Variants in ABCB1 observed in about 807,000 individuals in gnomAD.
The protein encoded by ABCB1 is ATP-dependent translocase ABCB1.
ABCB1 carries 69 observed loss-of-function variants against 142.0 expected under a neutral mutation model. The ratio of observed to expected loss-of-function variants is 0.49; its 90% confidence interval spans 0.40 to 0.59. ABCB1 has a LOEUF of 0.59. Ranked by LOEUF, ABCB1 falls within the 20% of genes least tolerant of loss-of-function variation. The pLI, the probability that ABCB1 is intolerant of heterozygous loss-of-function variation, is 0.00. For missense variants in ABCB1, 1,326 were observed against 1,554.7 expected, an observed-to-expected ratio of 0.85 and a Z score of 2.47; for synonymous variants, 532 against 539.2, an observed-to-expected ratio of 0.99 and a Z score of 0.18.
At chr7:87,634,460 A>G (rs2130227066) in intron 1 of ABCB1, among the ~76,000 whole-genome samples, 2 of 139,084 alleles carry the variant, frequency 1.4e-5, no homozygotes, top group African/African-American at 5.3e-5. Flanking sequence ...CGTCTCTACT[A>G]AAAATACAAA....
intron 20 of ABCB1, among the ~76,000 whole-genome samples, chr7:87,532,545 C>T (rs1209574615): frequency 6.6e-6 from 1 of 152,116 alleles, no homozygotes; most frequent in Non-Finnish European, 1.5e-5. Flanking sequence ...GACACACCAG[C>T]GCCATGACAA....
intron 1 of ABCB1, among the ~76,000 whole-genome samples, chr7:87,608,314 AT>A (rs1451617937): frequency 6.6e-6 from 1 of 152,240 alleles, no homozygotes; most frequent in Non-Finnish European, 1.5e-5. Context: ...GGATGTCTAT[AT>A]TCCGAATGTT....
chr7:87,659,287 G>T, intron 1 of ABCB1: 1 of 375,180 alleles, frequency 2.7e-6, no homozygotes, highest in Non-Finnish European at 5.2e-6. Context: ...CCTGTTCTTG[G>T]TTTCTCTGTT....
At chr7:87,512,767 T>A (rs747286685) in intron 25 of ABCB1, among the ~76,000 whole-genome samples, 76 of 152,206 alleles carry the variant, frequency 5.0e-4, no homozygotes, top group Non-Finnish European at 7.9e-4. Flanking sequence ...CAGTGCACCA[T>A]CTGGCAGTAT....
At chr7:87,600,246 G>A in intron 1 of ABCB1, 56 bp from the exon 2 acceptor site, 5 of 1,451,516 alleles carry the variant, frequency 3.4e-6, no homozygotes, top group Admixed American at 1.7e-5. Context: ...CGCGCTGGAG[G>A]TGAGACTAAC....
intron 1 of ABCB1, among the ~76,000 whole-genome samples, chr7:87,622,799 G>A (rs886688622): frequency 1.3e-5 from 2 of 152,076 alleles, no homozygotes; most frequent in African/African-American, 4.8e-5. Context: ...GAGGGGCCAA[G>A]AAGGGAGGAT....
At chr7:87,651,744 C>T (rs1036889996) in intron 1 of ABCB1, among the ~76,000 whole-genome samples, 1 of 151,980 alleles carries the variant, frequency 6.6e-6, no homozygotes, top group Non-Finnish European at 1.5e-5. Flanking sequence ...CTATTCTGTA[C>T]TTTTTGATGC....
intron 21 of ABCB1, among the ~76,000 whole-genome samples, chr7:87,530,473 T>C (rs774301089): frequency 6.6e-5 from 10 of 151,390 alleles, no homozygotes; most frequent in South Asian, 4.2e-4. Flanking sequence ...AATGAGATAA[T>C]AGACCCCATA....
chr7:87,601,511 C>G (rs1819456485), upstream of ABCB1, among the ~76,000 whole-genome samples: 1 of 152,190 alleles, frequency 6.6e-6, no homozygotes, highest in Admixed American at 6.5e-5. Context: ...CCGTGTTTTT[C>G]CAGGGCATTT....
chr7:87,523,123 C>A (rs1008127998), intron 21 of ABCB1, among the ~76,000 whole-genome samples: 1 of 151,440 alleles, frequency 6.6e-6, no homozygotes, highest in Non-Finnish European at 1.5e-5. Context: ...TTTTTAGAAA[C>A]GGGGTCTTGC....
At chr7:87,512,692 A>G (rs1434071822) in intron 25 of ABCB1, among the ~76,000 whole-genome samples, 2 of 152,256 alleles carry the variant, frequency 1.3e-5, no homozygotes, top group South Asian at 2.1e-4. Context: ...ATTGATGTCC[A>G]TAAACAAAAC....
chr7:87,544,396 G>T, intron 16 of ABCB1, 121 bp from the exon 17 acceptor site: 1 of 1,021,952 alleles, frequency 9.8e-7, no homozygotes, highest in Non-Finnish European at 1.4e-6. Flanking sequence ...ATGAATAAGT[G>T]ATGACAATTT....
chr7:87,612,247 C>A (rs1563074569), intron 1 of ABCB1, among the ~76,000 whole-genome samples: 1 of 152,128 alleles, frequency 6.6e-6, no homozygotes, highest in Admixed American at 6.5e-5. Flanking sequence ...TTTTGCTGTG[C>A]AGAAGCTTTT....
chr7:87,659,577 A>C (rs2130439226), intron 1 of ABCB1, among the ~76,000 whole-genome samples: 1 of 152,240 alleles, frequency 6.6e-6, no homozygotes, highest in African/African-American at 2.4e-5. Flanking sequence ...TTTCTCCACC[A>C]CCAAAGATAA....
chr7:87,638,281 T>A (rs1426280085), intron 1 of ABCB1, among the ~76,000 whole-genome samples: 1 of 152,098 alleles, frequency 6.6e-6, no homozygotes, highest in Admixed American at 6.6e-5. Flanking sequence ...TTTCTTATAA[T>A]GTTCTTGTCT....
intron 21 of ABCB1, among the ~76,000 whole-genome samples, chr7:87,525,913 T>C (rs1815760333): frequency 6.6e-6 from 1 of 152,144 alleles, no homozygotes; most frequent in African/African-American, 2.4e-5. Context: ...TCAGTTTCAG[T>C]GCCTGTATCA....
In ABCB1 at chr7:87,531,399, T is replaced by C; in HGVS notation, c.2580A>G (p.Leu860=). ...SFIYGWQLTL[L]LLAIVPIIAI... is the part of the protein sequence containing the mutation. ...CAATGATGGGTACAATTGCTAAGAG[T>C]AACAGTGTTAGTTGCCAACCATAGA... Residue 860 remains leucine (L), a synonymous_variant, in exon 21 of 28, where the codon TTA becomes TTG. Coordinates refer to ENST00000622132, the MANE Select transcript of ABCB1 (RefSeq NM_001348946.2). 6.2e-7 allele frequency: 1 copy of C among 1,613,502 alleles called. No homozygotes were observed. Among genetic ancestry groups the C allele is most frequent in the Non-Finnish European group, 8.5e-7 (1 of 1,179,720 alleles).
chr7:87,612,688 G>A (rs966218552), intron 1 of ABCB1, among the ~76,000 whole-genome samples: 1 of 152,138 alleles, frequency 6.6e-6, no homozygotes, highest in Non-Finnish European at 1.5e-5. Context: ...TTGAAGTTGT[G>A]TAATGTGATG....
intron 1 of ABCB1, among the ~76,000 whole-genome samples, chr7:87,678,926 A>G (rs959001905): frequency 1.3e-5 from 2 of 152,152 alleles, no homozygotes; most frequent in African/African-American, 4.8e-5. Flanking sequence ...CTAAAAAGCA[A>G]AAGGTAACAG....
Sources: allele counts gnomAD v4.1 joint callset (sites outside exome capture counted in the v4.1 genomes callset), GRCh38; gene constraint gnomAD v4.1.1; transcripts MANE v1.5; gene names NCBI Gene and HGNC (gene_info 2026-07-23, HGNC 2026-07-21).